CASTOR2: variants seen among roughly 807,000 people sequenced by gnomAD.
CASTOR2 encodes GATS protein like 2.
CASTOR2 carries 8 observed loss-of-function variants against 31.2 expected under a neutral mutation model. The observed-to-expected ratio is 0.26, with a 90% CI of 0.15 to 0.46. The LOEUF (loss-of-function observed/expected upper bound fraction) is 0.46. CASTOR2 is among the 20% of genes least tolerant of loss of function. CASTOR2 has a pLI of 0.99. For missense variants in CASTOR2, 216 were observed against 382.1 expected, an observed-to-expected ratio of 0.57 and a Z score of 3.62; for synonymous variants, 162 against 158.7, an observed-to-expected ratio of 1.02 and a Z score of -0.16.
intron 2 of CASTOR2, among the ~76,000 whole-genome samples, chr7:75,013,711 G>A (rs1257798770): frequency 6.6e-6 from 1 of 151,982 alleles, no homozygotes; most frequent in Non-Finnish European, 1.5e-5. Context: ...CAGAGGGGTT[G>A]TATATGTGTA....
intron 1 of CASTOR2, among the ~76,000 whole-genome samples, chr7:74,998,274 T>C (rs1329330636): frequency 6.6e-6 from 1 of 152,146 alleles, no homozygotes; most frequent in Non-Finnish European, 1.5e-5. Context: ...ATGGCGGCCC[T>C]GGAGGAGGAG....
intron 1 of CASTOR2, among the ~76,000 whole-genome samples, chr7:74,989,633 C>G (rs1804157769): frequency 6.8e-6 from 1 of 146,980 alleles, no homozygotes; most frequent in African/African-American, 2.5e-5. Flanking sequence ...CCAGGCTGGT[C>G]TTGAACTCCC....
chr7:75,013,377 G>T lies in CASTOR2; in HGVS notation c.185-4221G>T, dbSNP rs1403922229. 2.6e-5 allele frequency among the ~76,000 whole-genome samples: 4 copies of T among 152,178 alleles called. No homozygotes were observed. In the East Asian group the frequency reaches 7.7e-4, roughly 29 times the overall value. Reference sequence around the variant, plus strand: ...AGAGATTCTTGGTCTGAGCACAGTGGCTCATGCCTGTAATCCCAGCCCTTT... The same window carrying T: ...AGAGATTCTTGGTCTGAGCACAGTGTCTCATGCCTGTAATCCCAGCCCTTT... On this transcript the variant is annotated intron_variant, in intron 2 of 8. Coordinates refer to ENST00000616305, the MANE Select transcript of CASTOR2 (RefSeq NM_001145064.3).
intron 1 of CASTOR2, among the ~76,000 whole-genome samples, chr7:74,995,568 G>A (rs2131935128): frequency 6.8e-6 from 1 of 146,780 alleles, no homozygotes; most frequent in South Asian, 2.1e-4. Flanking sequence ...AACACTTTGG[G>A]AGGCCGTGGC....
At chr7:75,005,922 G>A (rs1474313742) in intron 1 of CASTOR2, among the ~76,000 whole-genome samples, 1 of 152,214 alleles carries the variant, frequency 6.6e-6, no homozygotes, top group Non-Finnish European at 1.5e-5. Flanking sequence ...TTGAAGTAAG[G>A]AGTTCGAGAC....
At chr7:75,004,250 G>T (rs1804560903) in intron 1 of CASTOR2, among the ~76,000 whole-genome samples, 1 of 152,152 alleles carries the variant, frequency 6.6e-6, no homozygotes. Context: ...GTGATAATTT[G>T]CTGTTGTCCT....
At position 75,007,987 on chromosome 7, in the gene CASTOR2, C is replaced by T. The variant is rs1554438944; in HGVS notation, c.114-7C>T. The T allele has an allele frequency of 1.2e-6, 2 of 1,613,930 alleles. No individual in the cohort carries two copies. Among genetic ancestry groups the T allele is most frequent in the Non-Finnish European group, 1.7e-6 (2 of 1,179,864 alleles). On this transcript the variant is annotated splice_polypyrimidine_tract_variant and splice_region_variant and intron_variant, in intron 1 of 8. Coordinates refer to ENST00000616305, the MANE Select transcript of CASTOR2 (RefSeq NM_001145064.3). ...ATGAGATATTCTGTGTCTGTCCATC[C>T]ATCCAGGTGCAAGTTCTTCAGTCTG...
chr7:74,990,261 G>T (rs587666291), intron 1 of CASTOR2, among the ~76,000 whole-genome samples: 15 of 151,986 alleles, frequency 9.9e-5, no homozygotes, highest in Admixed American at 6.6e-4. Context: ...GGTAGTGGTT[G>T]CCTGTAGTCC....
At chr7:74,990,782 G>A (rs1804190484) in intron 1 of CASTOR2, among the ~76,000 whole-genome samples, 1 of 152,226 alleles carries the variant, frequency 6.6e-6, no homozygotes, top group South Asian at 2.1e-4. Flanking sequence ...TTGAATGCGG[G>A]AGGCAGAGGT....
chr7:74,990,217 T>A (rs1804173430), intron 1 of CASTOR2, among the ~76,000 whole-genome samples: 1 of 151,254 alleles, frequency 6.6e-6, no homozygotes, highest in South Asian at 2.1e-4. Flanking sequence ...TGAAACCCCG[T>A]CTCTACTAAA....
At chr7:75,006,498 C>T (rs1412392426) in intron 1 of CASTOR2, among the ~76,000 whole-genome samples, 2 of 152,134 alleles carry the variant, frequency 1.3e-5, no homozygotes, top group Non-Finnish European at 2.9e-5. Flanking sequence ...CATGGATACA[C>T]CAGCCACCCC....
In CASTOR2 at chr7:75,017,711, G is replaced by A; in HGVS notation, c.298G>A (p.Ala100Thr). The change falls in exon 3 of 9, where the codon GCC becomes ACC. Residue 100 changes from alanine to threonine, a missense_variant. Ala to Thr is a moderately conservative substitution (Grantham distance 58). This residue lies in a region of CASTOR2 where 114 missense variants were observed against 194.2 expected (regional missense o/e 0.59). Coordinates refer to ENST00000616305, the MANE Select transcript of CASTOR2 (RefSeq NM_001145064.3). ...CCAGCCCATCGGCGTGACCAAGATC[G>A]CCAAGTCAGTCATCGCCCCACTGGC... ...SSQPIGVTKI[A>T]KSVIAPLADQ... 6.2e-7 allele frequency: 1 copy of A among 1,614,016 alleles called. No homozygotes were observed. Among genetic ancestry groups the A allele is most frequent in the Non-Finnish European group, 8.5e-7 (1 of 1,179,878 alleles).
intron 1 of CASTOR2, among the ~76,000 whole-genome samples, chr7:74,989,824 G>A (rs1387009302): frequency 2.0e-5 from 3 of 152,014 alleles, no homozygotes; most frequent in Non-Finnish European, 4.4e-5. Flanking sequence ...GTGAATCCAC[G>A]GCACTAGAGA....
intron 1 of CASTOR2, among the ~76,000 whole-genome samples, chr7:75,003,302 C>A (rs1283221281): frequency 6.6e-6 from 1 of 151,938 alleles, no homozygotes; most frequent in Non-Finnish European, 1.5e-5. Flanking sequence ...AAAAATTAGC[C>A]GGCTGGGCTT....
intron 2 of CASTOR2, among the ~76,000 whole-genome samples, chr7:75,012,625 A>ATTTTTGG (rs1804780371): frequency 7.3e-6 from 1 of 137,140 alleles, no homozygotes; most frequent in Non-Finnish European, 1.6e-5. Context: ...AGTTTTTGGG[A>ATTTTTGG]TTTTTTGTTT....
In CASTOR2 at chr7:75,025,933, A is replaced by C. The variant is rs1419069521; in HGVS notation, c.*1234A>C. 7.2e-5 allele frequency among the ~76,000 whole-genome samples: 11 copies of C among 152,158 alleles called. No homozygotes were observed. Among genetic ancestry groups the C allele is most frequent in the African/African-American group, 2.7e-4 (11 of 41,448 alleles). ...GGGCCCTCTCTTCTGAAGGGAAGCT[A>C]GGAGCAGAGATCTGTTACAAGACGC... On this transcript the variant is annotated 3_prime_UTR_variant, in exon 9 of 9. Transcript: ENST00000616305.
chr7:74,993,045 C>A (rs2131932548), intron 1 of CASTOR2, among the ~76,000 whole-genome samples: 1 of 149,862 alleles, frequency 6.7e-6, no homozygotes, highest in Admixed American at 6.7e-5. Context: ...CTAAAAAATA[C>A]AAAAATTAGC....
intron 1 of CASTOR2, among the ~76,000 whole-genome samples, chr7:75,005,152 C>G (rs1175037599): frequency 6.6e-6 from 1 of 152,186 alleles, no homozygotes; most frequent in African/African-American, 2.4e-5. Context: ...CAGGCGTGAG[C>G]CACCGCACCC....
chr7:74,993,226 A>G (rs1804254106), intron 1 of CASTOR2, among the ~76,000 whole-genome samples: 1 of 152,082 alleles, frequency 6.6e-6, no homozygotes. Flanking sequence ...AGGAAGGCAC[A>G]TAGAGCTTCT....
Sources: allele counts gnomAD v4.1 joint callset (sites outside exome capture counted in the v4.1 genomes callset), GRCh38; gene constraint gnomAD v4.1.1; regional missense constraint gnomAD v4.1.1; transcripts MANE v1.5; gene names NCBI Gene and HGNC (gene_info 2026-07-23, HGNC 2026-07-21).